EGLN1: variants seen among roughly 807,000 people sequenced by gnomAD.
The protein encoded by EGLN1 is egl nine homolog 1.
In EGLN1, 17 loss-of-function variants were observed where a neutral mutation model predicts 38.3. The observed-to-expected ratio is 0.44, with a 90% CI of 0.30 to 0.67. EGLN1 has a LOEUF of 0.67. Ranked by LOEUF, EGLN1 falls within the 30% of genes least tolerant of loss-of-function variation. The probability of loss-of-function intolerance (pLI) is 0.08; values close to 1 mark genes in which losing one functional copy is unlikely to be tolerated. For missense variants in EGLN1, 477 were observed against 603.3 expected (o/e 0.79, Z 2.19); for synonymous variants, 283 against 257.5 (o/e 1.10, Z -0.95).
intron 1 of EGLN1, among the ~76,000 whole-genome samples, chr1:231,384,150 G>C (rs375648786): frequency 1.1e-4 from 17 of 152,126 alleles, no homozygotes; most frequent in African/African-American, 2.4e-4. Context: ...AGGATATGGT[G>C]CTGGCGAGAG....
chr1:231,419,086 A>G (rs556213555), intron 1 of EGLN1, among the ~76,000 whole-genome samples: 1 of 152,320 alleles, frequency 6.6e-6, no homozygotes, highest in African/African-American at 2.4e-5. Context: ...CCTGAATATC[A>G]TTTATAGATC....
rs1329547290 is a variant in EGLN1, at chr1:231,421,334, C to T, written c.555G>A (p.Thr185=). Residue 185 remains threonine (T), a synonymous_variant, in exon 1 of 5, where the codon ACG becomes ACA. Transcript: ENST00000366641. The surrounding 1 kb of genome is among the most constrained non-coding windows in gnomAD (Gnocchi z 5.5). ...PGGGLRPNGQ[T]KPLPALKLAL... ...CCAGCTTCAGCGCCGGCAGGGGCTTCGTCTGCCCGTTGGGCCGCAGGCCGC... is the reference window on the plus strand; with the variant it reads ...CCAGCTTCAGCGCCGGCAGGGGCTTTGTCTGCCCGTTGGGCCGCAGGCCGC... 1 of 1,611,532 alleles carries T rather than the reference C, an allele frequency of 6.2e-7. No homozygotes were observed. The highest frequency in any genetic ancestry group is 1.1e-5 in the South Asian group (1 of 90,988).
Position 231,412,414 on chromosome 1 carries a change from T to A in EGLN1, c.891+8584A>T, listed in dbSNP as rs74143864. ...TTCATTTTGACATTGAATCTAAATC[T>A]ATGCTTCCCTTATGTTGAACCATTC... On this transcript the variant is annotated intron_variant, in intron 1 of 4. Transcript: ENST00000366641. 8.0e-3 allele frequency among the ~76,000 whole-genome samples: 1,225 copies of A among 152,374 alleles called. 24 individuals are homozygous for A. Among genetic ancestry groups the A allele is most frequent in the African/African-American group, 0.029 (1,189 of 41,592 alleles).
intron 1 of EGLN1, among the ~76,000 whole-genome samples, chr1:231,393,739 G>T (rs942803647): frequency 1.3e-5 from 2 of 151,742 alleles, no homozygotes; most frequent in Non-Finnish European, 2.9e-5. Flanking sequence ...ATCTCATCCT[G>T]CCTCCATGCT....
chr1:231,394,545 ATTTTT>A (rs59597792), intron 1 of EGLN1, among the ~76,000 whole-genome samples: 135 of 141,304 alleles, frequency 9.6e-4, no homozygotes, highest in Non-Finnish European at 8.7e-4. Context: ...CGCCCGACTA[ATTTTT>A]TTTTTTTTTT....
chr1:231,376,610 T>C (rs1286701868), intron 1 of EGLN1, among the ~76,000 whole-genome samples: 1 of 152,204 alleles, frequency 6.6e-6, no homozygotes, highest in African/African-American at 2.4e-5. Context: ...TCGGAAGGTA[T>C]TGCCCTCAGA....
chr1:231,398,355 G>A (rs756256531), intron 1 of EGLN1, among the ~76,000 whole-genome samples: 1 of 152,026 alleles, frequency 6.6e-6, no homozygotes, highest in East Asian at 1.9e-4. Context: ...AAGAGATGGG[G>A]GTCACATTAT....
intron 1 of EGLN1, among the ~76,000 whole-genome samples, chr1:231,385,403 T>C (rs973254): frequency 1.3e-5 from 2 of 151,934 alleles, no homozygotes; most frequent in Non-Finnish European, 2.9e-5. Context: ...GGGGAGAAGG[T>C]TGGGATCAGG....
At chr1:231,399,929 A>G (rs543560726) in intron 1 of EGLN1, among the ~76,000 whole-genome samples, 42 of 152,318 alleles carry the variant, frequency 2.8e-4, no homozygotes, top group Non-Finnish European at 5.7e-4. Context: ...GTTTTAGAAC[A>G]TCACTTGAAG....
chr1:231,386,350 T>C (rs1490055215), intron 1 of EGLN1, among the ~76,000 whole-genome samples: 2 of 152,220 alleles, frequency 1.3e-5, no homozygotes, highest in African/African-American at 2.4e-5. Context: ...TACAAATAAT[T>C]TTATCTAGTC....
At chr1:231,409,533 T>A (rs77439055) in intron 1 of EGLN1, among the ~76,000 whole-genome samples, 84 of 152,248 alleles carry the variant, frequency 5.5e-4, no homozygotes, top group Non-Finnish European at 6.0e-4. Flanking sequence ...TGTTCCTCCA[T>A]CTCCCCCATC....
intron 2 of EGLN1, among the ~76,000 whole-genome samples, chr1:231,373,303 A>G (rs1343299111): frequency 1.3e-5 from 2 of 152,186 alleles, no homozygotes; most frequent in Admixed American, 6.5e-5. Flanking sequence ...CAAGAATAAC[A>G]TAGCAAATAA....
At chr1:231,387,500 C>A (rs2102911187) in intron 1 of EGLN1, among the ~76,000 whole-genome samples, 1 of 151,886 alleles carries the variant, frequency 6.6e-6, no homozygotes, top group South Asian at 2.1e-4. Flanking sequence ...GCTGGGACTA[C>A]AGGTGCCTGC....
At chr1:231,406,008 G>A (rs1268780222) in intron 1 of EGLN1, among the ~76,000 whole-genome samples, 1 of 74,880 alleles carries the variant, frequency 1.3e-5, no homozygotes, top group East Asian at 3.4e-4. Context: ...CCCCAGCCGC[G>A]GAGCACTACT....
At chr1:231,390,034 T>C (rs1008989831) in intron 1 of EGLN1, among the ~76,000 whole-genome samples, 4 of 152,166 alleles carry the variant, frequency 2.6e-5, no homozygotes, top group African/African-American at 9.7e-5. Context: ...CACACGACTC[T>C]GCCACTTACT....
chr1:231,412,334 C>T (rs1024232197), intron 1 of EGLN1, among the ~76,000 whole-genome samples: 12 of 152,148 alleles, frequency 7.9e-5, no homozygotes, highest in African/African-American at 2.9e-4. Context: ...TCCCAATTTT[C>T]TGTAACAGTT....
At chr1:231,367,885 A>T (rs1687696160) in intron 3 of EGLN1, among the ~76,000 whole-genome samples, 1 of 152,224 alleles carries the variant, frequency 6.6e-6, no homozygotes. Flanking sequence ...GGAACTGCAG[A>T]TCAGAAAGAG....
chr1:231,402,376 T>C (rs1688684595), intron 1 of EGLN1, among the ~76,000 whole-genome samples: 1 of 152,102 alleles, frequency 6.6e-6, no homozygotes, highest in African/African-American at 2.4e-5. Flanking sequence ...TTTGCTTATC[T>C]TGAGGTCACA....
rs753941321 is a variant in EGLN1, at chr1:231,373,963, T to C, written c.1011+17A>G. 6.2e-7 allele frequency: 1 copy of C among 1,613,210 alleles called. No homozygotes were observed. The highest frequency in any genetic ancestry group is 8.5e-7 in the Non-Finnish European group (1 of 1,179,458). The stretch of plus-strand genomic sequence containing the variant: ...ACACCTGTAAGAAAAAAATAAATGC[T>C]CAATTAAGTTGCATACCTTGGCATC... On this transcript the variant is annotated intron_variant, in intron 2 of 4. Transcript: ENST00000366641.
Sources: allele counts gnomAD v4.1 joint callset (sites outside exome capture counted in the v4.1 genomes callset), GRCh38; gene constraint gnomAD v4.1.1; non-coding constraint Gnocchi (gnomAD v3.1); transcripts MANE v1.5; gene names NCBI Gene and HGNC (gene_info 2026-07-23, HGNC 2026-07-21).